SAG: variants seen among roughly 807,000 people sequenced by gnomAD.
SAG encodes the protein S-antigen visual arrestin.
SAG carries 45 observed loss-of-function variants against 55.0 expected under a neutral mutation model. The ratio of observed to expected loss-of-function variants is 0.82; its 90% CI spans 0.64 to 1.05. SAG has a LOEUF of 1.05. Among genes scored for constraint, SAG ranks in the 50% least tolerant of loss-of-function variants. The probability of loss-of-function intolerance (pLI) is 0.00; values close to 1 mark genes in which losing one functional copy is unlikely to be tolerated. For synonymous variants in SAG, 189 were observed against 197.4 expected (o/e 0.96, Z 0.36); for missense variants, 455 against 512.1 (o/e 0.89, Z 1.08).
intron 7 of SAG, chr2:233,327,963 A>T (rs1486023788): frequency 6.5e-6 from 1 of 153,060 alleles, no homozygotes; most frequent in Non-Finnish European, 1.5e-5. Context: ...CAGGAACTCT[A>T]CAACCATTGA....
intron 7 of SAG, 122 bp from the exon 8 acceptor site, chr2:233,328,356 C>A: frequency 8.0e-7 from 1 of 1,247,956 alleles, no homozygotes; most frequent in Non-Finnish European, 1.1e-6. Flanking sequence ...CTCTTCCCGT[C>A]CACCCTGTCT....
At position 233,331,655 on chromosome 2, in the gene SAG, A is replaced by G. The variant is rs748916799; in HGVS notation, c.749A>G (p.Asn250Ser). 3.1e-6 allele frequency: 5 copies of G among 1,613,508 alleles called. No individual in the cohort carries two copies. The South Asian group carries it at 3.3e-5, about 11-fold the overall frequency. The change falls in exon 10 of 16, where the codon AAT (asparagine) becomes AGT (serine). Residue 250 changes from asparagine (N) to serine (S), a missense_variant. Coordinates refer to ENST00000409110, the MANE Select transcript of SAG (RefSeq NM_000541.5). ...CCCCTTGCAGTGGAACAGGTGGCCA[A>G]TGTGGTTCTCTACTCGAGTGATTAT... is the stretch of plus-strand genomic sequence containing the variant. The part of the protein sequence containing the change: ...KIKAFVEQVA[N>S]VVLYSSDYYV...
Position 233,338,692 on chromosome 2 carries a change from G to C in SAG, c.961G>C (p.Asp321His). ...TTTGGGCAGCATTAAGGAGGGCATAGACCGGACCGTCCTGGGAATCCTGGT... is the reference window on the plus strand; with the variant it reads ...TTTGGGCAGCATTAAGGAGGGCATACACCGGACCGTCCTGGGAATCCTGGT... ...ASSTIIKEGI[D>H]RTVLGILVSY... is the part of the protein sequence containing the mutation. Residue 321 changes from aspartate to histidine, a missense_variant, in exon 12 of 16, where the codon GAC (aspartate) becomes CAC (histidine). Coordinates refer to ENST00000409110, the MANE Select transcript of SAG (RefSeq NM_000541.5). The C allele has an allele frequency of 6.2e-7, 1 of 1,613,902 alleles. No individual in the cohort carries two copies.
Position 233,309,278 on chromosome 2 carries a change from A to G in SAG, c.75+14A>G. Reference sequence around the variant, plus strand: ...CGGGACAAATCGGTGAGTGGTGCACAAGTGAGTGATTTGATAGAAATTATT... The same window carrying G: ...CGGGACAAATCGGTGAGTGGTGCACGAGTGAGTGATTTGATAGAAATTATT... On this transcript the variant is annotated intron_variant, in intron 2 of 15. Transcript: ENST00000409110. 1.9e-6 allele frequency: 3 copies of G among 1,603,458 alleles called. No individual in the cohort carries two copies. Among genetic ancestry groups the G allele is most frequent in the Non-Finnish European group, 2.6e-6 (3 of 1,170,630 alleles).
chr2:233,346,969 GC>G lies in SAG; in HGVS notation c.*61del. On this transcript the variant is annotated 3_prime_UTR_variant, in exon 16 of 16. Coordinates refer to ENST00000409110, the MANE Select transcript of SAG (RefSeq NM_000541.5). Reference sequence around the variant, plus strand: ...TGTAGTTACCAGTGCAACGAGCAAAGCCCCACAGTTTAGTCCTTTGGAGTTA... The same window carrying G: ...TGTAGTTACCAGTGCAACGAGCAAAGCCCACAGTTTAGTCCTTTGGAGTTA... 1.0e-6 allele frequency: 1 copy of G among 964,662 alleles called. No homozygotes were observed. The highest frequency in any genetic ancestry group is 2.1e-4 in the Middle Eastern group (1 of 4,786). 59.8% of individuals were successfully genotyped at this position (964,662 alleles called of 1,614,324 possible). A position where few individuals can be genotyped will look rare whatever the true frequency, so the allele number is the denominator to read the frequency against.
Position 233,316,144 on chromosome 2 carries a change from C to G in SAG, c.136+9C>G. ...CCAAGTCCAGCCTGTGGGTAAGTTG[C>G]TTGGAGAAAACTGTAATGCTGGTTT... On this transcript the variant is annotated intron_variant, in intron 3 of 15. Transcript: ENST00000409110. 1.9e-6 allele frequency: 3 copies of G among 1,554,268 alleles called. No individual in the cohort carries two copies. The highest frequency in any genetic ancestry group is 2.6e-6 in the Non-Finnish European group (3 of 1,133,346).
In SAG at chr2:233,342,264, T is replaced by C. The variant is rs1174245185; in HGVS notation, c.1047-7T>C. On this transcript the variant is annotated splice_polypyrimidine_tract_variant and splice_region_variant and intron_variant, in intron 13 of 15. Coordinates refer to ENST00000409110, the MANE Select transcript of SAG (RefSeq NM_000541.5). ...TGTTCACACCAATCTTCATTCTTTTTTTCTAGTGAAGTCGCCACTGAGGTC... is the reference window on the plus strand; with the variant it reads ...TGTTCACACCAATCTTCATTCTTTTCTTCTAGTGAAGTCGCCACTGAGGTC... 3 of 1,601,110 alleles carry C rather than the reference T, an allele frequency of 1.9e-6. No homozygotes were observed. The highest frequency in any genetic ancestry group is 2.3e-5 in the South Asian group (2 of 88,852).
At chr2:233,329,449 C>T in intron 8 of SAG, 44 bp from the exon 9 acceptor site, 1 of 1,191,328 alleles carries the variant, frequency 8.4e-7, no homozygotes, top group Non-Finnish European at 1.3e-6. Context: ...AAAGACACCG[C>T]CACATCTGTT....
At position 233,331,636 on chromosome 2, in the gene SAG, G is replaced by A; in HGVS notation, c.734-4G>A. ...ACCACCGGACTCCCGTCTTCCCCTT[G>A]CAGTGGAACAGGTGGCCAATGTGGT... On this transcript the variant is annotated splice_polypyrimidine_tract_variant and splice_region_variant and intron_variant, in intron 9 of 15. Coordinates refer to ENST00000409110, the MANE Select transcript of SAG (RefSeq NM_000541.5). 1.9e-6 allele frequency: 3 copies of A among 1,609,388 alleles called. No individual in the cohort carries two copies. Among genetic ancestry groups the A allele is most frequent in the Non-Finnish European group, 2.6e-6 (3 of 1,175,796 alleles).
chr2:233,332,641 C>T (rs374503447), intron 10 of SAG: 3 of 150,652 alleles, frequency 2.0e-5, no homozygotes, highest in African/African-American at 7.4e-5. Flanking sequence ...AGGAGCCCGC[C>T]ACCAAGCCCA....
At chr2:233,309,577 ACAGGTTG>A (rs1700022463) in intron 2 of SAG, among the ~76,000 whole-genome samples, 1 of 152,128 alleles carries the variant, frequency 6.6e-6, no homozygotes, top group African/African-American at 2.4e-5. Flanking sequence ...CCCAGGAGGT[ACAGGTTG>A]CAGTGAGCCC....
chr2:233,310,601 C>T (rs930995044), intron 2 of SAG, among the ~76,000 whole-genome samples: 4 of 151,324 alleles, frequency 2.6e-5, no homozygotes, highest in African/African-American at 4.9e-5. Flanking sequence ...CCTCTGCCTC[C>T]CAGGTTCAAG....
intron 12 of SAG, among the ~76,000 whole-genome samples, chr2:233,339,537 G>GT (rs10711990): frequency 0.044 from 5,638 of 129,260 alleles, 274 homozygotes; most frequent in African/African-American, 0.11. Flanking sequence ...TTAGCATAGT[G>GT]TTTTTTTTTT....
intron 12 of SAG, 32 bp downstream of exon 12, chr2:233,338,785 T>C (rs1258419771): frequency 1.3e-6 from 2 of 1,570,998 alleles, no homozygotes; most frequent in African/African-American, 2.7e-5. Flanking sequence ...CTCGGGCTGC[T>C]CTGTCCTGGT....
chr2:233,342,376 T>G (rs1479034040), intron 14 of SAG, 50 bp downstream of exon 14: 1 of 1,399,322 alleles, frequency 7.1e-7, no homozygotes, highest in Admixed American at 1.9e-5. Context: ...TACTTGCAGA[T>G]TTATTGTTGA....
intron 6 of SAG, among the ~76,000 whole-genome samples, chr2:233,325,570 G>A (rs1217937427): frequency 6.6e-6 from 1 of 152,088 alleles, no homozygotes; most frequent in Admixed American, 6.6e-5. Flanking sequence ...GGGAAGATGA[G>A]GTGATTACAG....
intron 3 of SAG, among the ~76,000 whole-genome samples, chr2:233,317,137 C>T (rs962144008): frequency 6.6e-6 from 1 of 152,232 alleles, no homozygotes; most frequent in Non-Finnish European, 1.5e-5. Flanking sequence ...GCTGAGATTA[C>T]AGGCGTGAGC....
Position 233,331,759 on chromosome 2 carries a change from G to A in SAG, c.806+47G>A, listed in dbSNP as rs770859138. The stretch of plus-strand genomic sequence containing the variant: ...CGTTTCCTGGGCGTCTCAGCCTTCT[G>A]TGTCAAGTTTCTCGCCGTTTATTGC... On this transcript the variant is annotated intron_variant, in intron 10 of 15. Transcript: ENST00000409110. 3 of 1,392,386 alleles carry A rather than the reference G, an allele frequency of 2.2e-6. No individual in the cohort carries two copies. In the East Asian group the frequency reaches 6.9e-5, roughly 32 times the overall value. The allele number at this position is 1,392,386 out of a possible 1,614,324, so 86.3% of individuals were successfully genotyped here.
At chr2:233,310,538 C>G (rs1700050955) in intron 2 of SAG, among the ~76,000 whole-genome samples, 2 of 130,776 alleles carry the variant, frequency 1.5e-5, no homozygotes, top group Non-Finnish European at 3.1e-5. Flanking sequence ...GAGACAGAGT[C>G]TCACTCTGTC....
Sources: gnomAD v4.1 joint callset for allele counts (sites outside exome capture counted in the v4.1 genomes callset) on GRCh38, gnomAD v4.1.1 for gene constraint, MANE v1.5 for transcripts, NCBI Gene and HGNC (gene_info 2026-07-23, HGNC 2026-07-21) for gene names.